The following AMPH variants were observed in gnomAD, a reference collection of about 807,000 sequenced individuals.
AMPH encodes the protein amphiphysin (Stiff-Mann syndrome with breast cancer 128kD autoantigen).
In AMPH, 49 loss-of-function variants were observed where a neutral mutation model predicts 99.1. The observed-to-expected ratio is 0.49, with a 90% CI of 0.39 to 0.63. The LOEUF (loss-of-function observed/expected upper bound fraction) is 0.63. AMPH is among the 20% of genes least tolerant of loss of function. The pLI is 0.00. For missense variants in AMPH, 759 were observed against 863.4 expected, an observed-to-expected ratio of 0.88 and a Z score of 1.52; for synonymous variants, 314 against 317.3, an observed-to-expected ratio of 0.99 and a Z score of 0.11.
chr7:38,394,251 C>G, intron 17 of AMPH, 37 bp from the exon 18 acceptor site: 2 of 1,604,960 alleles, frequency 1.2e-6, no homozygotes, highest in Non-Finnish European at 1.7e-6. Context: ...GTCTGCATCT[C>G]CATGGGCCTC....
intron 11 of AMPH, among the ~76,000 whole-genome samples, chr7:38,453,368 A>T (rs1217548550): frequency 6.6e-6 from 1 of 152,200 alleles, no homozygotes; most frequent in Non-Finnish European, 1.5e-5. Context: ...AGCACTAGCA[A>T]AGCCTAGGCA....
At chr7:38,558,486 T>C (rs549173854) in intron 1 of AMPH, among the ~76,000 whole-genome samples, 2 of 152,316 alleles carry the variant, frequency 1.3e-5, no homozygotes, top group African/African-American at 4.8e-5. Flanking sequence ...AGGAGTTGTC[T>C]CCAATGCCAA....
At chr7:38,390,195 G>A (rs764941716) in intron 19 of AMPH, among the ~76,000 whole-genome samples, 9 of 152,120 alleles carry the variant, frequency 5.9e-5, no homozygotes, top group Non-Finnish European at 1.0e-4. Context: ...TATCGCTGAT[G>A]CTTTATTACT....
chr7:38,530,246 A>G (rs1790344814), intron 2 of AMPH, among the ~76,000 whole-genome samples: 1 of 152,224 alleles, frequency 6.6e-6, no homozygotes, highest in Non-Finnish European at 1.5e-5. Flanking sequence ...CAGTCTAAGG[A>G]GAGGACGTGG....
At chr7:38,581,924 T>A (rs1455660684) in intron 1 of AMPH, among the ~76,000 whole-genome samples, 1 of 152,092 alleles carries the variant, frequency 6.6e-6, no homozygotes. Flanking sequence ...GGGGTGCTCA[T>A]TTTTTCATGC....
chr7:38,511,557 G>A (rs1789542225), intron 2 of AMPH, among the ~76,000 whole-genome samples: 1 of 151,956 alleles, frequency 6.6e-6, no homozygotes, highest in African/African-American at 2.4e-5. Flanking sequence ...TACTGCCTGA[G>A]GAAACAAGAA....
intron 6 of AMPH, among the ~76,000 whole-genome samples, chr7:38,476,624 C>G (rs1340718305): frequency 6.6e-6 from 1 of 152,174 alleles, no homozygotes; most frequent in African/African-American, 2.4e-5. Context: ...GATCCCGCAA[C>G]ATTGTAGGTC....
intron 1 of AMPH, among the ~76,000 whole-genome samples, chr7:38,591,634 T>A (rs1584281185): frequency 6.6e-6 from 1 of 151,874 alleles, no homozygotes; most frequent in Admixed American, 6.6e-5. Flanking sequence ...TTAGAAAGGG[T>A]CCCAAAAGTG....
intron 1 of AMPH, among the ~76,000 whole-genome samples, chr7:38,593,099 T>C (rs1792920258): frequency 1.3e-5 from 2 of 152,198 alleles, no homozygotes; most frequent in Admixed American, 6.5e-5. Context: ...CTTCTCTCTA[T>C]ATCTTACAAA....
At chr7:38,611,878 C>T (rs956326569) in intron 1 of AMPH, among the ~76,000 whole-genome samples, 1 of 152,126 alleles carries the variant, frequency 6.6e-6, no homozygotes, top group African/African-American at 2.4e-5. Context: ...ATTATTAAAA[C>T]CTTGATTTTA....
chr7:38,573,572 T>TA (rs1317103720), intron 1 of AMPH, among the ~76,000 whole-genome samples: 1 of 152,254 alleles, frequency 6.6e-6, no homozygotes, highest in Non-Finnish European at 1.5e-5. Flanking sequence ...TTCAATATTC[T>TA]AAAATTTATA....
At position 38,394,148 on chromosome 7, in the gene AMPH, C is replaced by T. The variant is rs779630927; in HGVS notation, c.1465G>A (p.Gly489Arg). ...TLVSAAEGAP[G>R]EEAEAEKATV... ...GCCTTCTCCGCCTCTGCTTCCTCTC[C>T]TGGGGCCCCCTCAGCTGCTGACACC... is the stretch of plus-strand genomic sequence containing the variant. Residue 489 changes from glycine (G) to arginine (R), a missense_variant, in exon 18 of 21, where the codon GGA becomes AGA. Transcript: ENST00000356264. 6.2e-7 allele frequency: 1 copy of T among 1,614,196 alleles called. No individual in the cohort carries two copies. The highest frequency in any genetic ancestry group is 8.5e-7 in the Non-Finnish European group (1 of 1,180,032).
At chr7:38,398,141 G>A (rs1584036987) in intron 17 of AMPH, among the ~76,000 whole-genome samples, 2 of 117,376 alleles carry the variant, frequency 1.7e-5, no homozygotes, top group Non-Finnish European at 3.5e-5. Context: ...TAAAAGTAGA[G>A]ATACCATATG....
intron 5 of AMPH, among the ~76,000 whole-genome samples, chr7:38,480,699 G>GGAAACCCTTC (rs1217137940): frequency 6.6e-6 from 1 of 152,098 alleles, no homozygotes; most frequent in African/African-American, 2.4e-5. Context: ...AGAGTAGAGT[G>GGAAACCCTTC]GAAACCCTTC....
At chr7:38,442,141 T>C (rs970870803) in intron 11 of AMPH, among the ~76,000 whole-genome samples, 1 of 152,036 alleles carries the variant, frequency 6.6e-6, no homozygotes, top group Admixed American at 6.6e-5. Context: ...AAAAAATAGC[T>C]AATGGGTACT....
At chr7:38,558,588 G>A (rs1791448430) in intron 1 of AMPH, among the ~76,000 whole-genome samples, 1 of 152,204 alleles carries the variant, frequency 6.6e-6, no homozygotes, top group Non-Finnish European at 1.5e-5. Context: ...ATGGGAAGGA[G>A]GGAGGAGGTG....
chr7:38,488,913 A>G (rs1423800988), intron 5 of AMPH, among the ~76,000 whole-genome samples: 2 of 152,186 alleles, frequency 1.3e-5, no homozygotes, highest in Non-Finnish European at 2.9e-5. Context: ...TAAAATACCC[A>G]TACTACCCAA....
chr7:38,430,009 G>T, intron 13 of AMPH, 144 bp from the exon 14 acceptor site: 1 of 739,690 alleles, frequency 1.4e-6, no homozygotes, highest in Non-Finnish European at 2.1e-6. Context: ...CTTGTTTTGT[G>T]ATAGGAATGA....
At chr7:38,617,659 A>T (rs1793923769) in intron 1 of AMPH, among the ~76,000 whole-genome samples, 1 of 152,216 alleles carries the variant, frequency 6.6e-6, no homozygotes, top group East Asian at 1.9e-4. Flanking sequence ...CTGCTCTTCA[A>T]GTTTTGCAGA....
Sources: gnomAD v4.1 joint callset for allele counts (sites outside exome capture counted in the v4.1 genomes callset) on GRCh38, gnomAD v4.1.1 for gene constraint, MANE v1.5 for transcripts, NCBI Gene and HGNC (gene_info 2026-07-23, HGNC 2026-07-21) for gene names.